Variants in CCNA2 observed in about 807,000 individuals in gnomAD.
CCNA2 encodes cyclin A2, also known as cyclin-A2.
CCNA2 carries 3 observed loss-of-function variants against 49.4 expected under a neutral mutation model. The observed-to-expected ratio is 0.06, with a 90% CI of 0.03 to 0.16. The LOEUF (loss-of-function observed/expected upper bound fraction) is 0.16. CCNA2 is among the 10% of genes least tolerant of loss of function. The pLI is 1.00. For synonymous variants in CCNA2, 206 were observed against 197.2 expected (o/e 1.04, Z -0.37); for missense variants, 372 against 519.7 (o/e 0.72, Z 2.76).
At position 121,823,814 on chromosome 4, in the gene CCNA2, G is replaced by C; in HGVS notation, c.-186C>G. 1 of 1,147,228 alleles carries C rather than the reference G, an allele frequency of 8.7e-7. No individual in the cohort carries two copies. Among genetic ancestry groups the C allele is most frequent in the Non-Finnish European group, 1.2e-6 (1 of 847,482 alleles). The allele number at this position is 1,147,228 out of a possible 1,614,324, so 71.1% of individuals were successfully genotyped here. ...GACCACGCAGGGCCGAGGAGGTTGC[G>C]AAAGGCGCAGGCAGGCACTGCCCAG... is the stretch of plus-strand genomic sequence containing the variant. On this transcript the variant is annotated 5_prime_UTR_variant, in exon 1 of 8. Coordinates refer to ENST00000274026, the MANE Select transcript of CCNA2 (RefSeq NM_001237.5).
chr4:121,819,665 T>C (rs1422174875), intron 4 of CCNA2, 86 bp from the exon 5 acceptor site: 2 of 868,780 alleles, frequency 2.3e-6, no homozygotes, highest in Non-Finnish European at 3.7e-6. Flanking sequence ...TAGCAGAATA[T>C]GGAATGAATC....
chr4:121,817,055 A>T lies in CCNA2; in HGVS notation c.*583T>A. On this transcript the variant is annotated 3_prime_UTR_variant, in exon 8 of 8. Coordinates refer to ENST00000274026, the MANE Select transcript of CCNA2 (RefSeq NM_001237.5). ...CTGTTAATTTGCATATAAGCTTCCC[A>T]CCCTCTTCCACTCCCAACCTCTGTT... 1.9e-6 allele frequency: 1 copy of T among 527,784 alleles called. No homozygotes were observed. Among genetic ancestry groups the T allele is most frequent in the Non-Finnish European group, 3.2e-6 (1 of 307,986 alleles). The allele number at this position is 527,784 out of a possible 1,614,324, so 32.7% of individuals were successfully genotyped here.
In CCNA2 at chr4:121,816,998, T is replaced by C; in HGVS notation, c.*640A>G. ...ATAGTTTTTTGTTTTTAATGTGCTTTAAAATAATAAACCTTCTGGAGCATT... is the reference window on the plus strand; with the variant it reads ...ATAGTTTTTTGTTTTTAATGTGCTTCAAAATAATAAACCTTCTGGAGCATT... On this transcript the variant is annotated 3_prime_UTR_variant, in exon 8 of 8. Transcript: ENST00000274026. 2 of 807,630 alleles carry C rather than the reference T, an allele frequency of 2.5e-6. No homozygotes were observed. The allele number at this position is 807,630 out of a possible 1,614,324, so 50.0% of individuals were successfully genotyped here.
rs1029250755 is a variant in CCNA2, at chr4:121,822,584, T to C, written c.276A>G (p.Ala92=). Residue 92 remains alanine (A), a synonymous_variant, in exon 2 of 8, where the codon GCA becomes GCG. Coordinates refer to ENST00000274026, the MANE Select transcript of CCNA2 (RefSeq NM_001237.5). ...TGGTGAACGCAGGCTGTTTACTGTT[T>C]GCTTTCCAAGGAGGAACGGTGACAT... ...DEHVTVPPWK[A]NSKQPAFTIH... The C allele has an allele frequency of 1.9e-6, 3 of 1,614,182 alleles. No individual in the cohort carries two copies. The highest frequency in any genetic ancestry group is 3.3e-5 in the Admixed American group (2 of 60,016).
chr4:121,818,731 A>G, intron 6 of CCNA2, 69 bp downstream of exon 6: 1 of 986,038 alleles, frequency 1.0e-6, no homozygotes, highest in South Asian at 1.3e-5. Context: ...GTTTTGTAGG[A>G]CAATTATTAT....
intron 4 of CCNA2, among the ~76,000 whole-genome samples, chr4:121,819,939 CTTT>C (rs796750946): frequency 2.2e-5 from 3 of 135,094 alleles, no homozygotes; most frequent in Admixed American, 7.4e-5. Context: ...GTTTTTCTTT[CTTT>C]TTTTTTTTTT....
chr4:121,822,322 G>T, intron 2 of CCNA2, 81 bp downstream of exon 2: 1 of 1,383,030 alleles, frequency 7.2e-7, no homozygotes, highest in Non-Finnish European at 9.9e-7. Context: ...GACTACATAA[G>T]ACATCTTAAA....
In CCNA2 at chr4:121,823,441, T is replaced by A; in HGVS notation, c.188A>T (p.Gln63Leu). Residue 63 changes from glutamine to leucine, a missense_variant, in exon 1 of 8, where the codon CAG becomes CTG. By Grantham distance (113) the Gln-to-Leu change is moderately radical (BLOSUM62 -2). This residue lies in a region of CCNA2 where 217 missense variants were observed against 231.7 expected (regional missense o/e 0.94). Transcript: ENST00000274026. Reference sequence around the variant, plus strand: ...CCGTCTCGTCTTCGGCCTCTGCTGCTGCGCTAGACCCCGCGGGTTCCCGGA... The same window carrying A: ...CCGTCTCGTCTTCGGCCTCTGCTGCAGCGCTAGACCCCGCGGGTTCCCGGA... ...LKSGNPRGLA[Q>L]QQRPKTRRVA... 2 of 1,613,044 alleles carry A rather than the reference T, an allele frequency of 1.2e-6. No individual in the cohort carries two copies. Among genetic ancestry groups the A allele is most frequent in the Non-Finnish European group, 1.7e-6 (2 of 1,179,566 alleles).
At position 121,816,972 on chromosome 4, in the gene CCNA2, A is replaced by C. The variant is rs1724541592; in HGVS notation, c.*666T>G. 9.0e-7 allele frequency: 1 copy of C among 1,110,910 alleles called. No homozygotes were observed. Among genetic ancestry groups the C allele is most frequent in the Non-Finnish European group, 1.2e-6 (1 of 819,278 alleles). 68.8% of individuals were successfully genotyped at this position (1,110,910 alleles called of 1,614,324 possible). A position where few individuals can be genotyped will look rare whatever the true frequency, so the allele number is the denominator to read the frequency against. The stretch of plus-strand genomic sequence containing the variant: ...TTATAAAATCTAGCAGGATTTTAAA[A>C]ATAGTTTTTTGTTTTTAATGTGCTT... On this transcript the variant is annotated 3_prime_UTR_variant, in exon 8 of 8. Coordinates refer to ENST00000274026, the MANE Select transcript of CCNA2 (RefSeq NM_001237.5).
Position 121,823,692 on chromosome 4 carries a change from G to A in CCNA2, c.-64C>T, listed in dbSNP as rs1724764430. 2 of 1,491,302 alleles carry A rather than the reference G, an allele frequency of 1.3e-6. No homozygotes were observed. Among genetic ancestry groups the A allele is most frequent in the Non-Finnish European group, 1.8e-6 (2 of 1,121,556 alleles). The allele number at this position is 1,491,302 out of a possible 1,614,324, so 92.4% of individuals were successfully genotyped here. ...CGCCAAGCAGCGTGCACTCTGCCCA[G>A]CCGACCACTCGCACCGACCCGGCCA... On this transcript the variant is annotated 5_prime_UTR_variant, in exon 1 of 8. Coordinates refer to ENST00000274026, the MANE Select transcript of CCNA2 (RefSeq NM_001237.5).
Position 121,819,579 on chromosome 4 carries a change from T to G in CCNA2, c.795A>C (p.Ser265=). The change falls in exon 5 of 8, where the codon TCA becomes TCC. Residue 265 remains serine, a splice_region_variant and synonymous_variant. Coordinates refer to ENST00000274026, the MANE Select transcript of CCNA2 (RefSeq NM_001237.5). ...LVGTAAMLLA[S]KFEEIYPPEV... ...CTGGGGGGTATATTTCTTCAAACTTTCTACAATGAAAAAAGTTTTAAGTAA... is the reference window on the plus strand; with the variant it reads ...CTGGGGGGTATATTTCTTCAAACTTGCTACAATGAAAAAAGTTTTAAGTAA... 6.2e-7 allele frequency: 1 copy of G among 1,608,586 alleles called. No homozygotes were observed. The highest frequency in any genetic ancestry group is 8.5e-7 in the Non-Finnish European group (1 of 1,176,602).
Position 121,822,663 on chromosome 4 carries a change from A to C in CCNA2, c.214-17T>G, listed in dbSNP as rs775390118. On this transcript the variant is annotated splice_polypyrimidine_tract_variant and intron_variant, in intron 1 of 7. Transcript: ENST00000274026. The stretch of plus-strand genomic sequence containing the variant: ...GGGTGCAACCTAAAAAAAAATTAAT[A>C]ACTGGCTTTGAGCCTACTAGTCTTG... The C allele has an allele frequency of 1.9e-6, 3 of 1,609,238 alleles. No homozygotes were observed.
At position 121,819,423 on chromosome 4, in the gene CCNA2, T is replaced by C. The variant is rs1724634473; in HGVS notation, c.951A>G (p.Gln317=). The C allele has an allele frequency of 6.2e-7, 1 of 1,614,104 alleles. No individual in the cohort carries two copies. The highest frequency in any genetic ancestry group is 8.5e-7 in the Non-Finnish European group (1 of 1,180,002). The part of the protein sequence containing the change: ...AAPTVNQFLT[Q]YFLHQQPANC... ...TTGCAGGCTGCTGATGCAGAAAGTA[T>C]TGGGTAAGAAACTGATTTACTGTTG... The change falls in exon 5 of 8, where the codon CAA becomes CAG. Residue 317 remains glutamine (Q), a synonymous_variant. Coordinates refer to ENST00000274026, the MANE Select transcript of CCNA2 (RefSeq NM_001237.5).
At position 121,817,651 on chromosome 4, in the gene CCNA2, GTC is replaced by G. The variant is rs759791470; in HGVS notation, c.1284_1285del (p.Glu428AspfsTer29). The G allele has an allele frequency of 3.7e-6, 6 of 1,613,858 alleles. No individual in the cohort carries two copies. The highest frequency in any genetic ancestry group is 2.7e-5 in the African/African-American group (2 of 75,012). ...AGTCTTTCATTGTTACAGATTTAGT[GTC>G]TCTGGTGGGTTGAGGAGAGAAACAC... On this transcript the variant is annotated frameshift_variant, in exon 8 of 8. Coordinates refer to ENST00000274026, the MANE Select transcript of CCNA2 (RefSeq NM_001237.5). LOFTEE classifies it high-confidence loss of function.
At chr4:121,818,234 C>T in intron 6 of CCNA2, 57 bp from the exon 7 acceptor site, 1 of 1,480,062 alleles carries the variant, frequency 6.8e-7, no homozygotes, top group Non-Finnish European at 9.2e-7. Context: ...ACACCAAACA[C>T]AGTAAATAGT....
Position 121,816,704 on chromosome 4 carries a change from T to C in CCNA2, c.*934A>G, listed in dbSNP as rs1724527424. 1 of 1,449,280 alleles carries C rather than the reference T, an allele frequency of 6.9e-7. No individual in the cohort carries two copies. Among genetic ancestry groups the C allele is most frequent in the Admixed American group, 2.9e-5 (1 of 34,384 alleles). The allele number at this position is 1,449,280 out of a possible 1,614,324, so 89.8% of individuals were successfully genotyped here. On this transcript the variant is annotated 3_prime_UTR_variant, in exon 8 of 8. Transcript: ENST00000274026. ...TAGATCCTACTGGAAAACTAAGAAATGCCTCTTATTTCAATAATCCAAAAC... is the reference window on the plus strand; with the variant it reads ...TAGATCCTACTGGAAAACTAAGAAACGCCTCTTATTTCAATAATCCAAAAC...
rs983250649 is a variant in CCNA2 at position 121,820,213 on chromosome 4, T to A, written c.794+329A>T. On this transcript the variant is annotated intron_variant, in intron 4 of 7. Transcript: ENST00000274026. The surrounding 1 kb of genome is among the most constrained non-coding windows in gnomAD (Gnocchi z 4.1). ...ACCTCGGCCTCCCAAAGTGCTGGGA[T>A]TACAGGCGCGAGCCACCGCACCCAG... Among the ~76,000 whole-genome samples the A allele has an allele frequency of 7.2e-5, 11 of 152,168 alleles. No homozygotes were observed. Among genetic ancestry groups the A allele is most frequent in the Non-Finnish European group, 1.3e-4 (9 of 68,034 alleles).
rs944035862 is a variant in CCNA2 at position 121,820,454 on chromosome 4, G to C, written c.794+88C>G. 14 of 881,116 alleles carry C rather than the reference G, an allele frequency of 1.6e-5. No homozygotes were observed. The highest frequency in any genetic ancestry group is 6.7e-5 in the African/African-American group (4 of 59,330). 54.6% of individuals were successfully genotyped at this position (881,116 alleles called of 1,614,324 possible). A position where few individuals can be genotyped will look rare whatever the true frequency, so the allele number is the denominator to read the frequency against. The stretch of plus-strand genomic sequence containing the variant: ...AAAGTAGTCACTGACTCTGCCTGGT[G>C]TATGTTAAAAGGTCACCATTAAAAA... On this transcript the variant is annotated intron_variant, in intron 4 of 7. Transcript: ENST00000274026. The surrounding 1 kb of genome is among the most constrained non-coding windows in gnomAD (Gnocchi z 4.1).
In CCNA2 at chr4:121,816,896, G is replaced by A. The variant is rs549907729; in HGVS notation, c.*742C>T. On this transcript the variant is annotated 3_prime_UTR_variant, in exon 8 of 8. Transcript: ENST00000274026. ...TATCTGTATATATAACTATTAAAAGGGATATTTATTCCATTCTGAGAACCC... is the reference window on the plus strand; with the variant it reads ...TATCTGTATATATAACTATTAAAAGAGATATTTATTCCATTCTGAGAACCC... The A allele has an allele frequency of 3.4e-6, 5 of 1,462,750 alleles. No homozygotes were observed. The highest frequency in any genetic ancestry group is 2.5e-5 in the East Asian group (1 of 39,784). The allele number at this position is 1,462,750 out of a possible 1,614,324, so 90.6% of individuals were successfully genotyped here. A position where few individuals can be genotyped will look rare whatever the true frequency, so the allele number is the denominator to read the frequency against.
Sources: gnomAD v4.1 joint callset for allele counts (sites outside exome capture counted in the v4.1 genomes callset) on GRCh38, gnomAD v4.1.1 for gene constraint, gnomAD v4.1.1 regional missense constraint, Gnocchi (gnomAD v3.1) non-coding constraint, MANE v1.5 for transcripts, NCBI Gene and HGNC (gene_info 2026-07-23, HGNC 2026-07-21) for gene names.